Variants in NDUFS4 observed in about 807,000 individuals in gnomAD.
The protein encoded by NDUFS4 is NADH dehydrogenase [ubiquinone] iron-sulfur protein 4, mitochondrial.
Under a neutral mutation model 24.3 loss-of-function variants are expected in NDUFS4, and 28 were observed. The observed-to-expected ratio is 1.15, with a 90% CI of 0.85 to 1.58. NDUFS4 has a LOEUF of 1.58. Ranked by LOEUF, NDUFS4 falls within the 40% of genes most tolerant of loss-of-function variation. The pLI, the probability that NDUFS4 is intolerant of heterozygous loss-of-function variation, is 0.00. For synonymous variants in NDUFS4, 93 were observed against 69.7 expected (o/e 1.34, Z -1.67); for missense variants, 223 against 207.9 (o/e 1.07, Z -0.45).
intron 2 of NDUFS4, among the ~76,000 whole-genome samples, chr5:53,620,843 A>C (rs1278547343): frequency 6.6e-6 from 1 of 152,044 alleles, no homozygotes; most frequent in Non-Finnish European, 1.5e-5. Flanking sequence ...ATTTCTTGAG[A>C]CTTTTTTATC....
At chr5:53,629,502 G>T (rs1319543477) in intron 2 of NDUFS4, among the ~76,000 whole-genome samples, 1 of 152,122 alleles carries the variant, frequency 6.6e-6, no homozygotes, top group African/African-American at 2.4e-5. Flanking sequence ...CAGTGTTATT[G>T]TGTGGGAGGC....
chr5:53,601,629 C>T (rs1008419516), intron 1 of NDUFS4, among the ~76,000 whole-genome samples: 1 of 152,130 alleles, frequency 6.6e-6, no homozygotes, highest in Non-Finnish European at 1.5e-5. Flanking sequence ...TAGTTACCCA[C>T]GGTCAGCTGT....
intron 2 of NDUFS4, among the ~76,000 whole-genome samples, chr5:53,641,164 A>C (rs192655127): frequency 6.6e-6 from 1 of 152,102 alleles, no homozygotes; most frequent in South Asian, 2.1e-4. Context: ...GTTATTTAGT[A>C]CTCATTTTGG....
intron 1 of NDUFS4, among the ~76,000 whole-genome samples, chr5:53,589,124 C>T (rs1396318593): frequency 6.6e-6 from 1 of 152,124 alleles, no homozygotes; most frequent in Non-Finnish European, 1.5e-5. Context: ...CCTTAAAGAC[C>T]AAAACGTAGG....
intron 4 of NDUFS4, among the ~76,000 whole-genome samples, chr5:53,668,694 C>T (rs1752587224): frequency 6.6e-6 from 1 of 150,922 alleles, no homozygotes; most frequent in Non-Finnish European, 1.5e-5. Context: ...CTCCTGACCT[C>T]AGGTGATCCA....
At chr5:53,576,980 A>G (rs1043525528) in intron 1 of NDUFS4, among the ~76,000 whole-genome samples, 4 of 152,086 alleles carry the variant, frequency 2.6e-5, no homozygotes, top group African/African-American at 9.7e-5. Context: ...GCAAAGGCCA[A>G]ATACTCATTT....
chr5:53,617,547 C>G (rs1750879294), intron 2 of NDUFS4, among the ~76,000 whole-genome samples: 1 of 151,980 alleles, frequency 6.6e-6, no homozygotes, highest in Non-Finnish European at 1.5e-5. Context: ...CGCCCGTTTT[C>G]TTCTTCCTTC....
At chr5:53,667,223 T>C (rs1752540542) in intron 4 of NDUFS4, among the ~76,000 whole-genome samples, 1 of 152,028 alleles carries the variant, frequency 6.6e-6, no homozygotes, top group Non-Finnish European at 1.5e-5. Context: ...CCCAGCACTT[T>C]GGGAGGCTGA....
chr5:53,560,749 G>C lies in NDUFS4; in HGVS notation c.87G>C (p.Arg29Ser). Residue 29 changes from arginine (R) to serine (S), a missense_variant, in exon 1 of 5, where the codon AGG becomes AGC. By Grantham distance (110) the Arg-to-Ser change is moderately radical (BLOSUM62 -1). Transcript: ENST00000296684. ...AVAVAALSVS[R>S]VPTRSLRTST... ...CTGTAGCTGCCCTTTCCGTTTCCAG[G>C]GTTCCGACCAGGTAATAGAATTTTC... 2 of 1,614,212 alleles carry C rather than the reference G, an allele frequency of 1.2e-6. No homozygotes were observed. The highest frequency in any genetic ancestry group is 1.7e-6 in the Non-Finnish European group (2 of 1,180,048).
intron 2 of NDUFS4, among the ~76,000 whole-genome samples, chr5:53,630,135 A>T (rs925967785): frequency 4.6e-5 from 7 of 152,186 alleles, no homozygotes; most frequent in Non-Finnish European, 1.0e-4. Flanking sequence ...TCCTTCACTT[A>T]TGAAGCTTAA....
chr5:53,632,705 T>G (rs1241590850), intron 2 of NDUFS4, among the ~76,000 whole-genome samples: 2 of 152,122 alleles, frequency 1.3e-5, no homozygotes, highest in African/African-American at 2.4e-5. Flanking sequence ...TTTCCTTCTT[T>G]CAGGGAACAC....
At chr5:53,654,265 A>G (rs1426944175) in intron 3 of NDUFS4, among the ~76,000 whole-genome samples, 1 of 152,040 alleles carries the variant, frequency 6.6e-6, no homozygotes, top group African/African-American at 2.4e-5. Context: ...AATTTCAGTT[A>G]CCTATTTTCT....
In NDUFS4 at chr5:53,589,207, A is replaced by G. The variant is rs571842803; in HGVS notation, c.99-14245A>G. Among the ~76,000 whole-genome samples the G allele has an allele frequency of 3.3e-5, 5 of 152,346 alleles. No homozygotes were observed. The South Asian group carries it at 6.2e-4, about 19-fold the overall frequency. ...GCTGTAACACTCCCAACCTCAGTCA[A>G]TGTAAAACAGACATCATACAATTTA... On this transcript the variant is annotated intron_variant, in intron 1 of 4. Transcript: ENST00000296684.
At chr5:53,662,589 CCT>C (rs1372104807) in intron 4 of NDUFS4, among the ~76,000 whole-genome samples, 1 of 152,058 alleles carries the variant, frequency 6.6e-6, no homozygotes, top group African/African-American at 2.4e-5. Flanking sequence ...CCTCCTTGTA[CCT>C]CTGGTAGAAT....
At chr5:53,577,633 GA>G (rs1377736819) in intron 1 of NDUFS4, among the ~76,000 whole-genome samples, 1 of 151,910 alleles carries the variant, frequency 6.6e-6, no homozygotes, top group African/African-American at 2.4e-5. Flanking sequence ...ATTATAGTTT[GA>G]TATTTTCCCA....
chr5:53,596,091 GTTCTT>G (rs1310747357), intron 1 of NDUFS4, among the ~76,000 whole-genome samples: 2 of 151,896 alleles, frequency 1.3e-5, no homozygotes, highest in Non-Finnish European at 2.9e-5. Flanking sequence ...GCATTTGTGG[GTTCTT>G]TTCTTTTACT....
rs192789065 is a variant in NDUFS4, at chr5:53,622,025, A to G, written c.177+18495A>G. Among the ~76,000 whole-genome samples, 249 of 152,216 alleles carry G rather than the reference A, an allele frequency of 1.6e-3. 1 individual carries two copies. Among genetic ancestry groups the G allele is most frequent in the African/African-American group, 5.5e-3 (229 of 41,536 alleles). On this transcript the variant is annotated intron_variant, in intron 2 of 4. Coordinates refer to ENST00000296684, the MANE Select transcript of NDUFS4 (RefSeq NM_002495.4). The stretch of plus-strand genomic sequence containing the variant: ...GTAAATTATTATTTTTGCATTAAAC[A>G]GTTGTCTTTTAAATAAATTTAGAAG...
At chr5:53,564,065 ATTAAT>A in intron 1 of NDUFS4, among the ~76,000 whole-genome samples, 1 of 152,204 alleles carries the variant, frequency 6.6e-6, no homozygotes, top group East Asian at 1.9e-4. Context: ...GAGGGTTTTA[ATTAAT>A]GACTGGTGGG....
At chr5:53,644,801 A>G (rs555801878) in intron 2 of NDUFS4, among the ~76,000 whole-genome samples, 165 of 152,146 alleles carry the variant, frequency 1.1e-3, no homozygotes, top group Non-Finnish European at 1.7e-3. Flanking sequence ...AAGCTGTGAC[A>G]AAGTAGCCAC....
Sources: allele counts gnomAD v4.1 joint callset (sites outside exome capture counted in the v4.1 genomes callset), GRCh38; gene constraint gnomAD v4.1.1; transcripts MANE v1.5; gene names NCBI Gene and HGNC (gene_info 2026-07-23, HGNC 2026-07-21).